PRR14L: variants seen among roughly 807,000 people sequenced by gnomAD.
The protein encoded by PRR14L is proline rich 14 like.
Under a neutral mutation model 155.0 loss-of-function variants are expected in PRR14L, and 80 were observed. That is an observed-to-expected ratio of 0.52 (90% CI 0.43 to 0.62). PRR14L has a LOEUF of 0.62. Ranked by LOEUF, PRR14L falls within the 20% of genes least tolerant of loss-of-function variation. The pLI is 0.00. For synonymous variants in PRR14L, 883 were observed against 916.0 expected, an observed-to-expected ratio of 0.96 and a Z score of 0.65; for missense variants, 2,469 against 2,548.0, an observed-to-expected ratio of 0.97 and a Z score of 0.67.
chr22:31,687,447 G>A (rs563012881), intron 8 of PRR14L, among the ~76,000 whole-genome samples: 151 of 150,830 alleles, frequency 1.0e-3, no homozygotes, highest in Middle Eastern at 3.4e-3. Context: ...TCCTCCTCCC[G>A]GGTTCAAGCA....
At chr22:31,687,980 C>T (rs58912566) in intron 8 of PRR14L, among the ~76,000 whole-genome samples, 176 bp downstream of exon 8, 1 of 147,960 alleles carries the variant, frequency 6.8e-6, no homozygotes, top group Non-Finnish European at 1.5e-5. Flanking sequence ...TGCAGTGAGC[C>T]GAGATTGCGC....
chr22:31,714,132 T>C lies in PRR14L; in HGVS notation c.3707A>G (p.Lys1236Arg). ...DESSVSLRSL[K>R]SIEIMPSQEN... is the part of the protein sequence containing the mutation. ...TTGAGAAGGCATTATTTCAATGGATTTCAGGCTTCTTAGGGAAACAGAGCT... is the reference window on the plus strand; with the variant it reads ...TTGAGAAGGCATTATTTCAATGGATCTCAGGCTTCTTAGGGAAACAGAGCT... Residue 1236 changes from lysine to arginine, a missense_variant, in exon 4 of 9, where the codon AAA (lysine) becomes AGA (arginine). Physicochemically the swap from Lys to Arg is conservative, Grantham distance 26. Transcript: ENST00000327423. The C allele has an allele frequency of 6.4e-7, 1 of 1,551,528 alleles. No homozygotes were observed. Among genetic ancestry groups the C allele is most frequent in the Non-Finnish European group, 8.7e-7 (1 of 1,146,970 alleles).
intron 2 of PRR14L, among the ~76,000 whole-genome samples, chr22:31,730,162 G>A (rs575746216): frequency 1.8e-4 from 27 of 151,270 alleles, no homozygotes; most frequent in Non-Finnish European, 2.4e-4. Context: ...AAAAATCGCC[G>A]GGCGCTGTGG....
intron 1 of PRR14L, among the ~76,000 whole-genome samples, chr22:31,744,149 T>G (rs1013536879): frequency 3.3e-4 from 50 of 150,990 alleles, no homozygotes; most frequent in African/African-American, 9.0e-4. Flanking sequence ...TTTTTTTTTT[T>G]GGGATGGAGT....
chr22:31,708,349 C>G (rs2074602456), intron 4 of PRR14L, among the ~76,000 whole-genome samples: 1 of 151,854 alleles, frequency 6.6e-6, no homozygotes, highest in Non-Finnish European at 1.5e-5. Context: ...ATTTTTGAGA[C>G]AGAGTCTCAC....
Position 31,716,892 on chromosome 22 carries a change from T to A in PRR14L, c.947A>T (p.His316Leu). The change falls in exon 4 of 9, where the codon CAT becomes CTT. Residue 316 changes from histidine to leucine, a missense_variant. His to Leu is a moderately conservative substitution (Grantham distance 99). Coordinates refer to ENST00000327423, the MANE Select transcript of PRR14L (RefSeq NM_173566.3). The stretch of plus-strand genomic sequence containing the variant: ...ACTGGGTTGTTCATTATGGTGGCCA[T>A]GAAGCTGTTGGTGATTGTCATCTGC... ...CEADDNHQQLHGHHNEQPSST... is the reference protein window; with the variant it reads ...CEADDNHQQLLGHHNEQPSST... The A allele has an allele frequency of 6.4e-7, 1 of 1,551,910 alleles. No homozygotes were observed. The highest frequency in any genetic ancestry group is 8.7e-7 in the Non-Finnish European group (1 of 1,147,042).
intron 2 of PRR14L, among the ~76,000 whole-genome samples, chr22:31,734,733 G>A (rs2074769242): frequency 6.6e-6 from 1 of 152,048 alleles, no homozygotes; most frequent in Non-Finnish European, 1.5e-5. Context: ...CATATTTTCA[G>A]GTTGTGTCAT....
rs1309219366 is a variant in PRR14L at position 31,716,687 on chromosome 22, C to T, written c.1152G>A (p.Arg384=). ...CCAAGTTCTTCCCTTGATCATCCCC[C>T]CTATAAAAATAAGAACTGTCTGTCT... The part of the protein sequence containing the change: ...AEKTDSSYFY[R]GDDQGKNLAS... Residue 384 remains arginine, a synonymous_variant, in exon 4 of 9, where the codon AGG becomes AGA. Coordinates refer to ENST00000327423, the MANE Select transcript of PRR14L (RefSeq NM_173566.3). 6.4e-7 allele frequency: 1 copy of T among 1,551,740 alleles called. No homozygotes were observed. Among genetic ancestry groups the T allele is most frequent in the East Asian group, 2.4e-5 (1 of 40,922 alleles).
chr22:31,728,387 C>T (rs1391197075), intron 2 of PRR14L, among the ~76,000 whole-genome samples: 1 of 151,866 alleles, frequency 6.6e-6, no homozygotes, highest in African/African-American at 2.4e-5. Context: ...CCGAGGAGGG[C>T]GGATCACCTG....
Position 31,714,186 on chromosome 22 carries a change from G to C in PRR14L, c.3653C>G (p.Ser1218Ter). The C allele has an allele frequency of 6.4e-7, 1 of 1,551,536 alleles. No individual in the cohort carries two copies. Among genetic ancestry groups the C allele is most frequent in the Non-Finnish European group, 8.7e-7 (1 of 1,146,936 alleles). Residue 1218 changes from serine (S) to a stop codon, truncating the protein, a stop_gained, in exon 4 of 9, where the codon TCA (serine) becomes TGA (stop). Transcript: ENST00000327423. LOFTEE classifies it high-confidence loss of function. Reference sequence around the variant, plus strand: ...ATCATGGCAAGACATCGACTCTTTTGAGGAAATTCCAAAGGTACTTTCTTT... The same window carrying C: ...ATCATGGCAAGACATCGACTCTTTTCAGGAAATTCCAAAGGTACTTTCTTT... ...FGKESTFGISSKESMSCHDES... is the reference protein window; with the variant it reads ...FGKESTFGIS
At chr22:31,690,864 A>C (rs2074507685) in intron 7 of PRR14L, among the ~76,000 whole-genome samples, 1 of 149,186 alleles carries the variant, frequency 6.7e-6, no homozygotes, top group African/African-American at 2.5e-5. Flanking sequence ...CTGGTCTCAA[A>C]CTCCTGATCT....
At chr22:31,707,956 C>T (rs1262431917) in intron 4 of PRR14L, among the ~76,000 whole-genome samples, 1 of 152,058 alleles carries the variant, frequency 6.6e-6, no homozygotes, top group African/African-American at 2.4e-5. Context: ...TCAAGGCCAG[C>T]CTGACCAACA....
In PRR14L at chr22:31,715,423, C is replaced by T. The variant is rs2147864657; in HGVS notation, c.2416G>A (p.Ala806Thr). ...SQENMCSASAAFKSSKISLQV... is the reference protein window; with the variant it reads ...SQENMCSASATFKSSKISLQV... Reference sequence around the variant, plus strand: ...AGGCTGATTTTGCTGGACTTGAAAGCAGCAGAAGCAGAACACATGTTTTCC... The same window carrying T: ...AGGCTGATTTTGCTGGACTTGAAAGTAGCAGAAGCAGAACACATGTTTTCC... The change falls in exon 4 of 9, where the codon GCT (alanine) becomes ACT (threonine). Residue 806 changes from alanine (A) to threonine (T), a missense_variant. Physicochemically the swap from Ala to Thr is moderately conservative, Grantham distance 58 (BLOSUM62 0). Around this residue, in one of 2 missense-constraint regions of PRR14L, gnomAD observed 2,363 missense variants for 2,371.6 expected, o/e 1.00. Coordinates refer to ENST00000327423, the MANE Select transcript of PRR14L (RefSeq NM_173566.3). The T allele has an allele frequency of 6.4e-7, 1 of 1,552,308 alleles. No individual in the cohort carries two copies. The highest frequency in any genetic ancestry group is 8.7e-7 in the Non-Finnish European group (1 of 1,147,102).
intron 4 of PRR14L, among the ~76,000 whole-genome samples, chr22:31,706,868 G>A (rs1308650854): frequency 6.6e-6 from 1 of 152,106 alleles, no homozygotes; most frequent in African/African-American, 2.4e-5. Flanking sequence ...TGGCCAACCT[G>A]GTGAAATCCT....
chr22:31,708,390 G>C (rs1022196221), intron 4 of PRR14L, among the ~76,000 whole-genome samples: 1 of 151,414 alleles, frequency 6.6e-6, no homozygotes, highest in Admixed American at 6.6e-5. Flanking sequence ...GCAGTGGTGC[G>C]ATCTTGGCTC....
At chr22:31,736,847 G>A (rs574475690) in intron 2 of PRR14L, among the ~76,000 whole-genome samples, 1 of 151,854 alleles carries the variant, frequency 6.6e-6, no homozygotes, top group Non-Finnish European at 1.5e-5. Context: ...ACCCAGCCTG[G>A]TCAACACAGT....
At chr22:31,702,299 C>T (rs543993816) in intron 6 of PRR14L, among the ~76,000 whole-genome samples, 9 of 152,096 alleles carry the variant, frequency 5.9e-5, no homozygotes, top group Admixed American at 1.3e-4. Flanking sequence ...CTTGGCTCAC[C>T]GCAACCTCTG....
intron 3 of PRR14L, among the ~76,000 whole-genome samples, chr22:31,722,417 GAAAAAA>G (rs563612373): frequency 1.2e-5 from 1 of 82,184 alleles, no homozygotes; most frequent in Admixed American, 1.2e-4. Context: ...GTGACAGAAA[GAAAAAA>G]AAAAAAAAAA....
At chr22:31,748,298 A>G (rs189155960) in intron 1 of PRR14L, among the ~76,000 whole-genome samples, 2 of 152,342 alleles carry the variant, frequency 1.3e-5, no homozygotes, top group East Asian at 3.9e-4. Context: ...AAGACAAACC[A>G]AAAGTGAGGC....
Sources: gnomAD v4.1 joint callset for allele counts (sites outside exome capture counted in the v4.1 genomes callset) on GRCh38, gnomAD v4.1.1 for gene constraint, gnomAD v4.1.1 regional missense constraint, MANE v1.5 for transcripts, NCBI Gene and HGNC (gene_info 2026-07-23, HGNC 2026-07-21) for gene names.